PCDHGA1: variants seen among roughly 807,000 people sequenced by gnomAD.
The protein encoded by PCDHGA1 is protocadherin gamma-A1.
Under a neutral mutation model 58.0 loss-of-function variants are expected in PCDHGA1, and 32 were observed. The observed-to-expected ratio is 0.55, with a 90% CI of 0.42 to 0.74. PCDHGA1 has a LOEUF of 0.74. Among genes scored for constraint, PCDHGA1 ranks in the 30% least tolerant of loss-of-function variants. PCDHGA1 has a pLI of 0.00. For missense variants in PCDHGA1, 1,205 were observed against 1,182.3 expected (o/e 1.02, Z -0.28); for synonymous variants, 498 against 501.1 (o/e 0.99, Z 0.08).
At chr5:141,428,189 C>G in intron 1 of PCDHGA1, 1 of 1,429,262 alleles carries the variant, frequency 7.0e-7, no homozygotes, top group African/African-American at 1.4e-5. Flanking sequence ...ACAGCCGCCG[C>G]TCTCTGCGCC....
intron 1 of PCDHGA1, among the ~76,000 whole-genome samples, chr5:141,436,749 C>T (rs2097844674): frequency 6.6e-6 from 1 of 152,154 alleles, no homozygotes; most frequent in Admixed American, 6.5e-5. Flanking sequence ...TGTGCTTCTC[C>T]ATATGGTATA....
chr5:141,410,849 C>G, intron 1 of PCDHGA1: 1 of 136,716 alleles, frequency 7.3e-6, no homozygotes, highest in Non-Finnish European at 1.2e-5. Flanking sequence ...TTGTCTTTGT[C>G]TTTTTTTTTT....
Position 141,476,380 on chromosome 5 carries a change from G to C in PCDHGA1, c.2422-18427G>C. 1 of 1,614,154 alleles carries C rather than the reference G, an allele frequency of 6.2e-7. No homozygotes were observed. The highest frequency in any genetic ancestry group is 8.5e-7 in the Non-Finnish European group (1 of 1,180,042). On this transcript the variant is annotated intron_variant, in intron 1 of 3. Coordinates refer to ENST00000517417, the MANE Select transcript of PCDHGA1 (RefSeq NM_018912.3). The surrounding 1 kb of genome is among the most constrained non-coding windows in gnomAD (Gnocchi z 7.6). ...ACCGGGAGACCGGAGAGATGTTTGT[G>C]AACGACCGTCTGGATCGAGAGGAGC... is the stretch of plus-strand genomic sequence containing the variant.
chr5:141,371,546 C>T, intron 1 of PCDHGA1: 1 of 1,613,690 alleles, frequency 6.2e-7, no homozygotes, highest in Non-Finnish European at 8.5e-7. Flanking sequence ...AAATCCTATG[C>T]CAACTAAAAG....
chr5:141,391,775 A>T (rs996921581), intron 1 of PCDHGA1: 1 of 152,210 alleles, frequency 6.6e-6, no homozygotes, highest in Non-Finnish European at 1.5e-5. Flanking sequence ...TTATATAGTC[A>T]TTACTTTTTG....
In PCDHGA1 at chr5:141,350,942, C is replaced by T. The variant is rs751150104; in HGVS notation, c.2421+17837C>T. ...AAGCGGCACCACCCATATCTGGATC[C>T]GAGTTACGGATGCCAATGATAATGC... On this transcript the variant is annotated intron_variant, in intron 1 of 3. Coordinates refer to ENST00000517417, the MANE Select transcript of PCDHGA1 (RefSeq NM_018912.3). 7 of 1,614,082 alleles carry T rather than the reference C, an allele frequency of 4.3e-6. No homozygotes were observed. The South Asian group carries it at 5.5e-5, about 13-fold the overall frequency.
intron 1 of PCDHGA1, chr5:141,422,335 C>T (rs1196951059): frequency 6.5e-7 from 1 of 1,549,804 alleles, no homozygotes; most frequent in Non-Finnish European, 8.7e-7. Flanking sequence ...GATTGCTCTT[C>T]TAAATGTGCA....
chr5:141,351,476 C>T (rs189413445), intron 1 of PCDHGA1: 164 of 1,613,814 alleles, frequency 1.0e-4, no homozygotes, highest in Middle Eastern at 9.9e-4. Flanking sequence ...TGCTGGAGCC[C>T]TAAACCGGGA....
At chr5:141,375,477 A>G (rs757005832) in intron 1 of PCDHGA1, 132 of 1,613,680 alleles carry the variant, frequency 8.2e-5, no homozygotes, top group Non-Finnish European at 1.1e-4. Context: ...CTTGAAAACA[A>G]CCCCAGGGGT....
chr5:141,464,725 A>G (rs538200804), intron 1 of PCDHGA1, among the ~76,000 whole-genome samples: 27 of 152,178 alleles, frequency 1.8e-4, no homozygotes, highest in African/African-American at 5.1e-4. Flanking sequence ...TCATATGTTT[A>G]AAAGCCAGTT....
At chr5:141,455,411 G>T (rs1292246147) in intron 1 of PCDHGA1, among the ~76,000 whole-genome samples, 1 of 152,096 alleles carries the variant, frequency 6.6e-6, no homozygotes, top group Non-Finnish European at 1.5e-5. Context: ...AGAGACAGAG[G>T]GAGCGGGGCT....
intron 1 of PCDHGA1, chr5:141,384,152 A>G: frequency 2.5e-6 from 4 of 1,613,508 alleles, no homozygotes; most frequent in Non-Finnish European, 3.4e-6. Flanking sequence ...CTCTCTTTGT[A>G]TAACATCACA....
chr5:141,389,286 T>C, intron 1 of PCDHGA1: 1 of 1,614,018 alleles, frequency 6.2e-7, no homozygotes, highest in Non-Finnish European at 8.5e-7. Context: ...GCCTGGAGCC[T>C]CTATTTCACA....
intron 1 of PCDHGA1, chr5:141,413,395 G>C: frequency 6.2e-7 from 1 of 1,614,050 alleles, no homozygotes; most frequent in Non-Finnish European, 8.5e-7. Context: ...AGTCTCCAGA[G>C]GTAGGACGCA....
At chr5:141,441,948 G>A in intron 1 of PCDHGA1, 1 of 332,472 alleles carries the variant, frequency 3.0e-6, no homozygotes, top group Non-Finnish European at 5.8e-6. Flanking sequence ...ACGTGCTGCA[G>A]GCCAGCAAGC....
At chr5:141,472,786 G>A (rs549389294) in intron 1 of PCDHGA1, among the ~76,000 whole-genome samples, 1 of 151,888 alleles carries the variant, frequency 6.6e-6, no homozygotes, top group Non-Finnish European at 1.5e-5. Flanking sequence ...GGGAGTTCAA[G>A]ATCAGCCTGA....
rs140933475 is a variant in PCDHGA1 at position 141,477,405 on chromosome 5, G to A, written c.2422-17402G>A. The A allele has an allele frequency of 3.8e-4, 608 of 1,614,076 alleles. No individual in the cohort carries two copies. The highest frequency in any genetic ancestry group is 4.6e-4 in the Non-Finnish European group (540 of 1,180,022). On this transcript the variant is annotated intron_variant, in intron 1 of 3. Transcript: ENST00000517417. This position sits in a 1 kb window ranked among gnomAD's most constrained non-coding sequence, Gnocchi z 4.9. ...GAATACAACCTCAGCATCACCGCCC[G>A]AGACGCCGGAACCCCTTCCCTCTCA...
At chr5:141,416,553 ACT>A (rs932477065) in intron 1 of PCDHGA1, 2 of 152,100 alleles carry the variant, frequency 1.3e-5, no homozygotes, top group Non-Finnish European at 2.9e-5. Context: ...AACACCTGAA[ACT>A]CTGAAAACTC....
intron 1 of PCDHGA1, chr5:141,340,279 T>G (rs764591784): frequency 1.2e-5 from 19 of 1,613,998 alleles, no homozygotes; most frequent in Middle Eastern, 1.6e-4. Context: ...CCACGGATGC[T>G]CACATTTTGC....
Sources: allele counts gnomAD v4.1 joint callset (sites outside exome capture counted in the v4.1 genomes callset), GRCh38; gene constraint gnomAD v4.1.1; non-coding constraint Gnocchi (gnomAD v3.1); transcripts MANE v1.5; gene names NCBI Gene and HGNC (gene_info 2026-07-23, HGNC 2026-07-21).